Variants in GLB1 observed in about 807,000 individuals in gnomAD.
GLB1 encodes the protein beta-galactosidase.
Under a neutral mutation model 74.0 loss-of-function variants are expected in GLB1, and 56 were observed. The ratio of observed to expected loss-of-function variants is 0.76; its 90% CI spans 0.61 to 0.94. GLB1 has a LOEUF of 0.94. Ranked by LOEUF, GLB1 falls within the 40% of genes least tolerant of loss-of-function variation. The pLI is 0.00. For synonymous variants in GLB1, 323 were observed against 323.6 expected, an observed-to-expected ratio of 1.00 and a Z score of 0.02; for missense variants, 787 against 845.5, an observed-to-expected ratio of 0.93 and a Z score of 0.86.
chr3:33,074,474 T>C (rs1700036103), intron 1 of GLB1, among the ~76,000 whole-genome samples: 2 of 152,152 alleles, frequency 1.3e-5, no homozygotes, highest in South Asian at 4.1e-4. Flanking sequence ...TGGAGTTGTA[T>C]ATGTACGCAT....
chr3:33,017,897 C>T (rs1575414046), intron 13 of GLB1, among the ~76,000 whole-genome samples: 1 of 152,088 alleles, frequency 6.6e-6, no homozygotes, highest in Non-Finnish European at 1.5e-5. Flanking sequence ...AAGCACAGCC[C>T]TCTGGGTTAA....
At chr3:33,003,422 G>A (rs1269316742) in intron 15 of GLB1, among the ~76,000 whole-genome samples, 1 of 152,202 alleles carries the variant, frequency 6.6e-6, no homozygotes, top group East Asian at 1.9e-4. Context: ...CCTAAAAATT[G>A]AAGAAGACCT....
At chr3:33,096,388 G>A (rs1406021414) in intron 1 of GLB1, 15 of 980,094 alleles carry the variant, frequency 1.5e-5, no homozygotes, top group Non-Finnish European at 1.8e-5. Flanking sequence ...TCCCCCGGCA[G>A]CCTGCCTATT....
chr3:33,096,520 G>T lies in GLB1; in HGVS notation c.75+491C>A, dbSNP rs1701035283. ...GAAAGGAACAAGATGCACGAAGAGGGAGAGCACCCAGAGGGGAAATAACCC... is the reference window on the plus strand; with the variant it reads ...GAAAGGAACAAGATGCACGAAGAGGTAGAGCACCCAGAGGGGAAATAACCC... On this transcript the variant is annotated intron_variant, in intron 1 of 15. Coordinates refer to ENST00000307363, the MANE Select transcript of GLB1 (RefSeq NM_000404.4). 4 of 985,240 alleles carry T rather than the reference G, an allele frequency of 4.1e-6. No individual in the cohort carries two copies. The African/African-American group carries it at 5.2e-5, about 13-fold the overall frequency. The allele number at this position is 985,240 out of a possible 1,614,324, so 61.0% of individuals were successfully genotyped here.
intron 10 of GLB1, among the ~76,000 whole-genome samples, chr3:33,024,975 C>G (rs11720449): frequency 6.6e-6 from 1 of 150,420 alleles, no homozygotes; most frequent in Non-Finnish European, 1.5e-5. Flanking sequence ...GACGAAGTCT[C>G]GGTCTTGTTG....
chr3:33,008,456 T>C (rs1234330814), intron 15 of GLB1, among the ~76,000 whole-genome samples: 2 of 151,712 alleles, frequency 1.3e-5, no homozygotes, highest in African/African-American at 2.4e-5. Context: ...GGCAGAGAGA[T>C]AAGTCTGACA....
At chr3:33,003,734 A>G (rs1696673058) in intron 15 of GLB1, among the ~76,000 whole-genome samples, 1 of 152,244 alleles carries the variant, frequency 6.6e-6, no homozygotes, top group Non-Finnish European at 1.5e-5. Context: ...TCCCTCTATC[A>G]AGAAGTAGAA....
intron 7 of GLB1, among the ~76,000 whole-genome samples, chr3:33,052,945 G>C (rs574228897): frequency 6.6e-6 from 1 of 152,354 alleles, no homozygotes; most frequent in East Asian, 1.9e-4. Flanking sequence ...AATCAGGCTT[G>C]TACACAGGTG....
At chr3:33,068,699 C>G in intron 3 of GLB1, 121 bp downstream of exon 3, 1 of 1,569,556 alleles carries the variant, frequency 6.4e-7, no homozygotes, top group Non-Finnish European at 8.7e-7. Context: ...GACACCTGTG[C>G]TGGGTACAGT....
At chr3:33,090,689 G>A in intron 1 of GLB1, 1 of 985,456 alleles carries the variant, frequency 1.0e-6, no homozygotes, top group Non-Finnish European at 1.2e-6. Context: ...GCCCACCAGG[G>A]CCAGAATCTG....
intron 6 of GLB1, among the ~76,000 whole-genome samples, chr3:33,054,027 T>A (rs57179259): frequency 0.08 from 12,112 of 151,402 alleles, 1,119 homozygotes; most frequent in East Asian, 0.47. Flanking sequence ...ATATTTTTTT[T>A]ATTAAAAAAA....
chr3:33,076,194 G>C (rs927887272), intron 1 of GLB1, among the ~76,000 whole-genome samples: 2 of 152,240 alleles, frequency 1.3e-5, no homozygotes, highest in Admixed American at 1.3e-4. Flanking sequence ...CTGAGCCAAG[G>C]CCTAGGATAA....
chr3:33,055,768 GTTTT>G (rs200229955), intron 6 of GLB1, among the ~76,000 whole-genome samples: 2 of 143,190 alleles, frequency 1.4e-5, no homozygotes, highest in South Asian at 2.2e-4. Flanking sequence ...CGCTGGGCCC[GTTTT>G]TTTTTTTTAA....
In GLB1 at chr3:33,074,068, G is replaced by T. The variant is rs898344586; in HGVS notation, c.76-1355C>A. On this transcript the variant is annotated intron_variant, in intron 1 of 15. Transcript: ENST00000307363. Reference sequence around the variant, plus strand: ...AAGAAAGAAAATAGAGGCTGGGTGCGGTGGCTCACGCCTGTAATCCCTGCA... The same window carrying T: ...AAGAAAGAAAATAGAGGCTGGGTGCTGTGGCTCACGCCTGTAATCCCTGCA... Among the ~76,000 whole-genome samples, 27 of 150,760 alleles carry T rather than the reference G, an allele frequency of 1.8e-4. 1 individual carries two copies. Among genetic ancestry groups the T allele is most frequent in the Admixed American group, 6.0e-4 (9 of 15,060 alleles).
In GLB1 at chr3:33,097,082, G is replaced by T. The variant is rs772539129; in HGVS notation, c.4C>A (p.Pro2Thr). ...GGGAGGATGCGAACCAGGAACCCCG[G>T]CATGACCACCAGCCTCCCGGCTCTG... is the stretch of plus-strand genomic sequence containing the variant. M[P>T]GFLVRILPLL... The change falls in exon 1 of 16, where the codon CCG becomes ACG. Residue 2 changes from proline to threonine, a missense_variant. Pro to Thr is a conservative substitution (Grantham distance 38). Coordinates refer to ENST00000307363, the MANE Select transcript of GLB1 (RefSeq NM_000404.4). 45 of 1,612,424 alleles carry T rather than the reference G, an allele frequency of 2.8e-5. No homozygotes were observed. Among genetic ancestry groups the T allele is most frequent in the Admixed American group, 2.5e-4 (15 of 59,878 alleles).
intron 10 of GLB1, among the ~76,000 whole-genome samples, chr3:33,028,066 A>T (rs1338735644): frequency 6.6e-6 from 1 of 151,736 alleles, no homozygotes; most frequent in Non-Finnish European, 1.5e-5. Context: ...ATGACCTGCT[A>T]ATTTTTATTT....
At chr3:33,095,659 C>A (rs775328888) in intron 1 of GLB1, among the ~76,000 whole-genome samples, 6 of 152,148 alleles carry the variant, frequency 3.9e-5, no homozygotes, top group Non-Finnish European at 8.8e-5. Flanking sequence ...GAGCTCACAT[C>A]AGACAGATTG....
intron 9 of GLB1, among the ~76,000 whole-genome samples, chr3:33,049,059 GTTATT>G (rs1698863473): frequency 1.3e-5 from 2 of 152,052 alleles, no homozygotes; most frequent in African/African-American, 2.4e-5. Context: ...AGATGAATGT[GTTATT>G]TTAAGTATAA....
chr3:33,013,989 T>C (rs1168791071), intron 15 of GLB1, 67 bp downstream of exon 15: 2 of 1,612,946 alleles, frequency 1.2e-6, no homozygotes, highest in Non-Finnish European at 1.7e-6. Flanking sequence ...TCTTTGTGAT[T>C]CTTTCTCAGA....
Sources: gnomAD v4.1 joint callset for allele counts (sites outside exome capture counted in the v4.1 genomes callset) on GRCh38, gnomAD v4.1.1 for gene constraint, MANE v1.5 for transcripts, NCBI Gene and HGNC (gene_info 2026-07-23, HGNC 2026-07-21) for gene names.